DELE1: variants seen among roughly 807,000 people sequenced by gnomAD.
DELE1 encodes DAP3 binding cell death enhancer 1.
DELE1 carries 54 observed loss-of-function variants against 59.3 expected under a neutral mutation model. That is an observed-to-expected ratio of 0.91 (90% CI 0.73 to 1.14). DELE1 has a LOEUF of 1.14. DELE1 is among the 50% of genes most tolerant of loss of function. DELE1 has a pLI of 0.00. For missense variants in DELE1, 636 were observed against 643.9 expected, an observed-to-expected ratio of 0.99 and a Z score of 0.13; for synonymous variants, 264 against 259.1, an observed-to-expected ratio of 1.02 and a Z score of -0.18.
rs1249617875 is a variant in DELE1 at position 141,941,070 on chromosome 5, G to A, written c.*2311G>A. On this transcript the variant is annotated 3_prime_UTR_variant, in exon 12 of 12. Transcript: ENST00000432126. ...ACAGATTGCTTTTGAGCCTTCCTGG[G>A]GCACCCTCTGCGTGAAATGTCACCG... The A allele has an allele frequency of 1.0e-5, 10 of 985,248 alleles. No homozygotes were observed. In the East Asian group the frequency reaches 1.1e-3, roughly 112 times the overall value. The allele number at this position is 985,248 out of a possible 1,614,324, so 61.0% of individuals were successfully genotyped here.
intron 4 of DELE1, 96 bp from the exon 5 acceptor site, chr5:141,929,486 G>T (rs1016228318): frequency 1.5e-6 from 2 of 1,346,914 alleles, no homozygotes; most frequent in Admixed American, 3.9e-5. Context: ...CTGACCTCAG[G>T]TGATCCACCC....
chr5:141,934,227 C>G lies in DELE1; in HGVS notation c.898-13C>G. On this transcript the variant is annotated splice_polypyrimidine_tract_variant and intron_variant, in intron 8 of 11. Coordinates refer to ENST00000432126, the MANE Select transcript of DELE1 (RefSeq NM_014773.5). ...AGTTGCCAGCCGACTGGGTGTTTCT[C>G]CCTTTGCCCCAGGCGGTCCTTTATT... 1 of 1,591,862 alleles carries G rather than the reference C, an allele frequency of 6.3e-7. No homozygotes were observed. Among genetic ancestry groups the G allele is most frequent in the East Asian group, 2.3e-5 (1 of 44,378 alleles).
rs1039134358 is a variant in DELE1 at position 141,941,362 on chromosome 5, G to T, written c.*2603G>T. 39 of 985,568 alleles carry T rather than the reference G, an allele frequency of 4.0e-5. No homozygotes were observed. Among genetic ancestry groups the T allele is most frequent in the Non-Finnish European group, 4.2e-5 (35 of 830,170 alleles). 61.1% of individuals were successfully genotyped at this position (985,568 alleles called of 1,614,324 possible). On this transcript the variant is annotated 3_prime_UTR_variant, in exon 12 of 12. Coordinates refer to ENST00000432126, the MANE Select transcript of DELE1 (RefSeq NM_014773.5). ...TAAGCTCTCCAATTTAAAAAGGAAGGGCCTCTCCTGTGGAAAGGGAAGGAT... is the reference window on the plus strand; with the variant it reads ...TAAGCTCTCCAATTTAAAAAGGAAGTGCCTCTCCTGTGGAAAGGGAAGGAT...
intron 1 of DELE1, 56 bp from the exon 2 acceptor site, chr5:141,924,525 T>C: frequency 1.0e-6 from 1 of 987,828 alleles, no homozygotes. Flanking sequence ...CTGAGGCAGA[T>C]GACAGTGATT....
chr5:141,931,729 C>T (rs1461401227), intron 7 of DELE1, among the ~76,000 whole-genome samples: 1 of 152,126 alleles, frequency 6.6e-6, no homozygotes, highest in Non-Finnish European at 1.5e-5. Context: ...TCTGTCAACC[C>T]TGGACAGTGA....
At chr5:141,932,040 G>T (rs755672531) in intron 7 of DELE1, among the ~76,000 whole-genome samples, 5 of 152,158 alleles carry the variant, frequency 3.3e-5, no homozygotes, top group Non-Finnish European at 7.3e-5. Context: ...GTCTAATTGA[G>T]GAGACAGGAC....
intron 10 of DELE1, chr5:141,934,902 T>C (rs1244052272): frequency 2.4e-5 from 9 of 372,806 alleles, no homozygotes; most frequent in Non-Finnish European, 2.0e-5. Context: ...GTTCAACATT[T>C]ACCAGCACAC....
rs1172518568 is a variant in DELE1 at position 141,939,753 on chromosome 5, G to A, written c.*994G>A. The A allele has an allele frequency of 4.3e-6, 4 of 932,118 alleles. No homozygotes were observed. Among genetic ancestry groups the A allele is most frequent in the African/African-American group, 3.6e-5 (2 of 55,780 alleles). 57.7% of individuals were successfully genotyped at this position (932,118 alleles called of 1,614,324 possible). A position where few individuals can be genotyped will look rare whatever the true frequency, so the allele number is the denominator to read the frequency against. On this transcript the variant is annotated 3_prime_UTR_variant, in exon 12 of 12. Coordinates refer to ENST00000432126, the MANE Select transcript of DELE1 (RefSeq NM_014773.5). ...TGCCTGGCCATGTCACCTTGAAGCT[G>A]TGACCTGACTCCCTATATTGTTTCC...
In DELE1 at chr5:141,941,767, T is replaced by C; in HGVS notation, c.*3008T>C. 5 of 985,346 alleles carry C rather than the reference T, an allele frequency of 5.1e-6. No individual in the cohort carries two copies. The highest frequency in any genetic ancestry group is 6.0e-6 in the Non-Finnish European group (5 of 829,896). 61.0% of individuals were successfully genotyped at this position (985,346 alleles called of 1,614,324 possible). On this transcript the variant is annotated 3_prime_UTR_variant, in exon 12 of 12. Coordinates refer to ENST00000432126, the MANE Select transcript of DELE1 (RefSeq NM_014773.5). ...GTTTACTATATCATTAGTGCTAATA[T>C]AGTGTGGGGCACTCAGATGTTCAGT...
In DELE1 at chr5:141,941,360, A is replaced by G. The variant is rs542675191; in HGVS notation, c.*2601A>G. The G allele has an allele frequency of 9.1e-6, 9 of 985,684 alleles. No individual in the cohort carries two copies. The highest frequency in any genetic ancestry group is 1.1e-5 in the Non-Finnish European group (9 of 830,136). The allele number at this position is 985,684 out of a possible 1,614,324, so 61.1% of individuals were successfully genotyped here. On this transcript the variant is annotated 3_prime_UTR_variant, in exon 12 of 12. Transcript: ENST00000432126. ...TTTAAGCTCTCCAATTTAAAAAGGA[A>G]GGGCCTCTCCTGTGGAAAGGGAAGG...
At chr5:141,934,752 T>G (rs1034070300) in intron 10 of DELE1, 166 bp downstream of exon 10, 4 of 657,932 alleles carry the variant, frequency 6.1e-6, no homozygotes, top group Middle Eastern at 3.2e-4. Flanking sequence ...GTTGGGCAGT[T>G]GCAGTAGTAC....
At position 141,941,970 on chromosome 5, in the gene DELE1, C is replaced by T. The variant is rs186752657; in HGVS notation, c.*3211C>T. On this transcript the variant is annotated 3_prime_UTR_variant, in exon 12 of 12. Coordinates refer to ENST00000432126, the MANE Select transcript of DELE1 (RefSeq NM_014773.5). ...CTCGCCGCCTATACACACGCACACA[C>T]GCACACACACACACACGGTTTCCTG... is the stretch of plus-strand genomic sequence containing the variant. 12 of 980,858 alleles carry T rather than the reference C, an allele frequency of 1.2e-5. No homozygotes were observed. Among genetic ancestry groups the T allele is most frequent in the Non-Finnish European group, 1.4e-5 (12 of 829,434 alleles). 60.8% of individuals were successfully genotyped at this position (980,858 alleles called of 1,614,324 possible).
rs141268714 is a variant in DELE1 at position 141,925,434 on chromosome 5, G to A, written c.171G>A (p.Thr57=). ...GGTCAGGTCCCCATGGCCCAGGCAC[G>A]AGCGGGGGTCCAAGGTCCCATGGAT... ...LDRSGPHGPG[T]SGGPRSHGWK... The change falls in exon 3 of 12, where the codon ACG becomes ACA. Residue 57 remains threonine, a synonymous_variant. Coordinates refer to ENST00000432126, the MANE Select transcript of DELE1 (RefSeq NM_014773.5). The A allele has an allele frequency of 1.3e-5, 21 of 1,596,660 alleles. No individual in the cohort carries two copies. In the East Asian group the frequency reaches 1.9e-4, roughly 14 times the overall value.
chr5:141,924,472 T>G (rs1352522263), intron 1 of DELE1, 109 bp from the exon 2 acceptor site: 2 of 715,620 alleles, frequency 2.8e-6, no homozygotes, highest in Admixed American at 4.3e-5. Context: ...GAATCTGTAG[T>G]AGATAAAAGA....
At chr5:141,932,474 G>C (rs1451168294) in intron 7 of DELE1, among the ~76,000 whole-genome samples, 1 of 152,176 alleles carries the variant, frequency 6.6e-6, no homozygotes, top group Non-Finnish European at 1.5e-5. Context: ...GGGATCTATT[G>C]ACCTGCCAAG....
intron 4 of DELE1, among the ~76,000 whole-genome samples, chr5:141,928,813 T>TGCAGAGGAGTGATTGATGCTTAGGGTGGG (rs1751635877): frequency 6.6e-6 from 1 of 152,066 alleles, no homozygotes; most frequent in African/African-American, 2.4e-5. Context: ...GGGGTAATAA[T>TGCAGAGGAGTGATTGATGCTTAGGGTGGG]AAAACCCACC....
chr5:141,938,738 T>A lies in DELE1; in HGVS notation c.1527T>A (p.Val509=), dbSNP rs980150355. 6 of 1,613,240 alleles carry A rather than the reference T, an allele frequency of 3.7e-6. No homozygotes were observed. Among genetic ancestry groups the A allele is most frequent in the Non-Finnish European group, 5.1e-6 (6 of 1,179,702 alleles). ...ACCCCTACCCACTGGAAAGGAGTGT[T>A]GTAAGACTAGGTTTTGGCTAAGGTG... ...PPHPYPLERS[V]VRLGFG The change falls in exon 12 of 12, where the codon GTT becomes GTA. Residue 509 remains valine (V), a synonymous_variant. Transcript: ENST00000432126.
Position 141,941,583 on chromosome 5 carries a change from G to T in DELE1, c.*2824G>T, listed in dbSNP as rs1176543374. ...AAGTGTGAGAGGACGAGAGGGAGGT[G>T]GCTCCCATCAGCAGGGCCAGCCTGG... On this transcript the variant is annotated 3_prime_UTR_variant, in exon 12 of 12. Transcript: ENST00000432126. The T allele has an allele frequency of 1.0e-6, 1 of 985,330 alleles. No homozygotes were observed. The highest frequency in any genetic ancestry group is 6.1e-5 in the Admixed American group (1 of 16,270). 61.0% of individuals were successfully genotyped at this position (985,330 alleles called of 1,614,324 possible).
chr5:141,934,688 T>G, intron 10 of DELE1, 102 bp downstream of exon 10: 1 of 1,154,440 alleles, frequency 8.7e-7, no homozygotes, highest in South Asian at 1.3e-5. Flanking sequence ...GATTGTTGGA[T>G]AGGAGCCTTG....
Sources: allele counts gnomAD v4.1 joint callset (sites outside exome capture counted in the v4.1 genomes callset), GRCh38; gene constraint gnomAD v4.1.1; transcripts MANE v1.5; gene names NCBI Gene and HGNC (gene_info 2026-07-23, HGNC 2026-07-21).